The following ZNF385D variants were observed in gnomAD, a reference collection of about 807,000 sequenced individuals.
ZNF385D encodes zinc finger protein 659.
A neutral mutation model predicts 35.8 loss-of-function variants in ZNF385D; 15 were observed. The observed-to-expected ratio is 0.42, with a 90% CI of 0.28 to 0.64. The LOEUF (loss-of-function observed/expected upper bound fraction) is 0.64, where lower values mean the gene tolerates loss of function less well. ZNF385D is among the 30% of genes least tolerant of loss of function. The probability of loss-of-function intolerance (pLI) is 0.23; values close to 1 mark genes in which losing one functional copy is unlikely to be tolerated. For synonymous variants in ZNF385D, 212 were observed against 186.8 expected (o/e 1.13, Z -1.10); for missense variants, 474 against 494.6 (o/e 0.96, Z 0.39).
At chr3:22,250,051 G>C (rs1054324416) in intron 2 of ZNF385D, among the ~76,000 whole-genome samples, 1 of 152,008 alleles carries the variant, frequency 6.6e-6, no homozygotes, top group East Asian at 1.9e-4. Flanking sequence ...CATTGTAATG[G>C]AGCCTATTTC....
upstream of ZNF385D, among the ~76,000 whole-genome samples, chr3:21,752,598 C>A (rs6783377): frequency 0.034 from 5,090 of 151,912 alleles, 285 homozygotes; most frequent in African/African-American, 0.12. Flanking sequence ...TCCTCTCTCA[C>A]GCTAGATTAT....
intron 3 of ZNF385D, among the ~76,000 whole-genome samples, chr3:21,785,832 C>A (rs1259921777): frequency 6.6e-6 from 1 of 152,044 alleles, no homozygotes; most frequent in East Asian, 1.9e-4. Context: ...AATATATAAA[C>A]CTATTTGACT....
intron 3 of ZNF385D, among the ~76,000 whole-genome samples, chr3:21,538,378 C>A (rs1224514057): frequency 3.3e-5 from 5 of 152,052 alleles, no homozygotes; most frequent in Non-Finnish European, 7.4e-5. Flanking sequence ...ATTGGAAACC[C>A]TTTTGAGAGA....
At chr3:22,196,415 A>C (rs954046896) in intron 2 of ZNF385D, among the ~76,000 whole-genome samples, 5 of 152,054 alleles carry the variant, frequency 3.3e-5, no homozygotes, top group African/African-American at 1.2e-4. Context: ...TTACATTTGA[A>C]AACACATATA....
At chr3:22,254,058 A>G (rs1264019494) in intron 2 of ZNF385D, among the ~76,000 whole-genome samples, 1 of 151,974 alleles carries the variant, frequency 6.6e-6, no homozygotes, top group African/African-American at 2.4e-5. Flanking sequence ...CACAAATTAT[A>G]AAGCACACAA....
Position 21,908,107 on chromosome 3 carries a change from T to A in ZNF385D, c.326-243079A>T, listed in dbSNP as rs537363212. 4.7e-5 allele frequency among the ~76,000 whole-genome samples: 7 copies of A among 149,228 alleles called. No homozygotes were observed. The South Asian group carries it at 1.3e-3, about 27-fold the overall frequency. On this transcript the variant is annotated intron_variant, in intron 3 of 5. Transcript: ENST00000494108. ...TTTATTTTCTCTCTATATCTATATA[T>A]CTTTCTCTCTATATCTATCTATCTA... is the stretch of plus-strand genomic sequence containing the variant.
At position 21,465,105 on chromosome 3, in the gene ZNF385D, A is replaced by G. The variant is rs552701363; in HGVS notation, c.440-27902T>C. Among the ~76,000 whole-genome samples the G allele has an allele frequency of 9.6e-4, 146 of 152,278 alleles. 1 individual carries two copies. Among genetic ancestry groups the G allele is most frequent in the African/African-American group, 3.3e-3 (139 of 41,578 alleles). On this transcript the variant is annotated intron_variant, in intron 4 of 7. Transcript: ENST00000281523. The surrounding 1 kb of genome is among the most constrained non-coding windows in gnomAD (Gnocchi z 4.2). ...ACATCTTGTTTTCAACAGATTTCCA[A>G]AGCTGTCTCTGTCTATATGGAGCAT...
At chr3:22,061,099 T>A (rs1699663961) in intron 3 of ZNF385D, among the ~76,000 whole-genome samples, 1 of 152,150 alleles carries the variant, frequency 6.6e-6, no homozygotes. Flanking sequence ...GGGAGAATGT[T>A]AATTTAATCA....
intron 2 of ZNF385D, among the ~76,000 whole-genome samples, chr3:21,656,162 G>A (rs2066065970): frequency 6.6e-6 from 1 of 151,974 alleles, no homozygotes; most frequent in African/African-American, 2.4e-5. Context: ...ACTGGATGTA[G>A]TCAGGTAGGA....
At chr3:21,882,273 A>G (rs942610431) in intron 3 of ZNF385D, among the ~76,000 whole-genome samples, 1 of 152,022 alleles carries the variant, frequency 6.6e-6, no homozygotes, top group East Asian at 1.9e-4. Flanking sequence ...TGCCACAGCC[A>G]TCTCAAACTT....
intron 1 of ZNF385D, among the ~76,000 whole-genome samples, chr3:21,734,789 G>A (rs984303234): frequency 1.3e-5 from 2 of 152,164 alleles, no homozygotes; most frequent in African/African-American, 4.8e-5. Flanking sequence ...TGTGTTGTGG[G>A]ATTAGCTTGT....
chr3:21,570,956 A>C (rs1343678874), intron 2 of ZNF385D, among the ~76,000 whole-genome samples: 1 of 152,058 alleles, frequency 6.6e-6, no homozygotes, highest in Non-Finnish European at 1.5e-5. Flanking sequence ...ATTCCTTAAA[A>C]CCTCACTCCC....
At chr3:22,100,090 C>T (rs935822020) in intron 3 of ZNF385D, among the ~76,000 whole-genome samples, 3 of 149,432 alleles carry the variant, frequency 2.0e-5, no homozygotes, top group Admixed American at 1.3e-4. Flanking sequence ...AAATGCTCAC[C>T]ATCACTGGCC....
chr3:21,792,727 A>C (rs1453310513), intron 3 of ZNF385D, among the ~76,000 whole-genome samples: 1 of 152,114 alleles, frequency 6.6e-6, no homozygotes, highest in Admixed American at 6.5e-5. Flanking sequence ...CTCACTCCTC[A>C]AAAGAGGACC....
chr3:22,257,706 A>T (rs1700386388), intron 2 of ZNF385D, among the ~76,000 whole-genome samples: 1 of 151,856 alleles, frequency 6.6e-6, no homozygotes, highest in Non-Finnish European at 1.5e-5. Flanking sequence ...CCTTTTAAAT[A>T]TTCATCCTTT....
chr3:22,158,920 T>A (rs560876194), intron 3 of ZNF385D, among the ~76,000 whole-genome samples: 1 of 152,184 alleles, frequency 6.6e-6, no homozygotes, highest in East Asian at 1.9e-4. Flanking sequence ...GGAAAATTAC[T>A]TCTAGGGGAA....
intron 2 of ZNF385D, among the ~76,000 whole-genome samples, chr3:22,372,034 C>T (rs576020865): frequency 1.3e-5 from 2 of 152,284 alleles, no homozygotes; most frequent in South Asian, 4.2e-4. Flanking sequence ...GAGCACGCCT[C>T]GCACACACCC....
chr3:22,183,204 C>T (rs1695400281), intron 2 of ZNF385D, among the ~76,000 whole-genome samples: 2 of 152,026 alleles, frequency 1.3e-5, no homozygotes, highest in Admixed American at 1.3e-4. Flanking sequence ...AGAGGAAGTT[C>T]CTTGGACATT....
intron 3 of ZNF385D, among the ~76,000 whole-genome samples, chr3:21,943,690 T>C (rs772391751): frequency 6.6e-6 from 1 of 152,116 alleles, no homozygotes; most frequent in Admixed American, 6.5e-5. Flanking sequence ...AATGTAAACA[T>C]GTAGATTTTT....
Sources: allele counts gnomAD v4.1 joint callset (sites outside exome capture counted in the v4.1 genomes callset), GRCh38; gene constraint gnomAD v4.1.1; non-coding constraint Gnocchi (gnomAD v3.1); transcripts MANE v1.5; gene names NCBI Gene and HGNC (gene_info 2026-07-23, HGNC 2026-07-21).